Variants in NCAM2 observed in about 807,000 individuals in gnomAD.
NCAM2 encodes the protein N-CAM-2.
NCAM2 carries 30 observed loss-of-function variants against 98.1 expected under a neutral mutation model. The ratio of observed to expected loss-of-function variants is 0.31; its 90% CI spans 0.23 to 0.41. The LOEUF (loss-of-function observed/expected upper bound fraction) is 0.41. NCAM2 is among the 10% of genes least tolerant of loss of function. NCAM2 has a pLI of 1.00. For synonymous variants in NCAM2, 368 were observed against 342.4 expected (o/e 1.07, Z -0.83); for missense variants, 867 against 1,005.8 (o/e 0.86, Z 1.87).
intron 1 of NCAM2, among the ~76,000 whole-genome samples, chr21:21,209,256 C>A (rs1171138198): frequency 2.0e-5 from 3 of 152,090 alleles, no homozygotes; most frequent in Non-Finnish European, 4.4e-5. Flanking sequence ...TGCTGTGTCA[C>A]CCAGGCTGGA....
chr21:21,134,321 C>T (rs938794983), intron 1 of NCAM2, among the ~76,000 whole-genome samples: 14 of 152,062 alleles, frequency 9.2e-5, no homozygotes, highest in Admixed American at 2.0e-4. Context: ...CTGCGCACCT[C>T]GGCCTCCCAA....
chr21:21,217,049 T>C (rs1166301660), intron 1 of NCAM2, among the ~76,000 whole-genome samples: 1 of 152,144 alleles, frequency 6.6e-6, no homozygotes, highest in African/African-American at 2.4e-5. Flanking sequence ...AGTGTAATGA[T>C]TGAAGGTATA....
intron 1 of NCAM2, among the ~76,000 whole-genome samples, chr21:21,202,360 TATC>T (rs2069257620): frequency 3.3e-5 from 5 of 151,264 alleles, no homozygotes; most frequent in Admixed American, 3.3e-4. Context: ...CTAGAATACT[TATC>T]ATTAAAGTAT....
At chr21:21,508,229 CTAATA>C (rs1173404988) in intron 15 of NCAM2, among the ~76,000 whole-genome samples, 4 of 152,198 alleles carry the variant, frequency 2.6e-5, no homozygotes, top group Non-Finnish European at 2.9e-5. Context: ...TGCCTTTAAT[CTAATA>C]TATTTGTTAA....
chr21:21,491,734 G>A (rs973951457), intron 15 of NCAM2, among the ~76,000 whole-genome samples: 10 of 151,282 alleles, frequency 6.6e-5, no homozygotes, highest in Admixed American at 5.9e-4. Context: ...CTTATTCCAT[G>A]ACAGTCCAGT....
At chr21:21,498,066 G>A (rs2826866) in intron 15 of NCAM2, among the ~76,000 whole-genome samples, 39,156 of 151,832 alleles carry the variant, frequency 0.26, 5,257 homozygotes, top group African/African-American at 0.32. Context: ...TTAATGTCCA[G>A]TATAAACTTT....
At chr21:21,050,126 C>A (rs114195716) in intron 1 of NCAM2, among the ~76,000 whole-genome samples, 3 of 145,628 alleles carry the variant, frequency 2.1e-5, no homozygotes, top group Non-Finnish European at 4.5e-5. Context: ...ACATTAAGCA[C>A]TGTAAAGTGC....
chr21:21,132,201 C>G (rs1317592121), intron 1 of NCAM2, among the ~76,000 whole-genome samples: 1 of 152,114 alleles, frequency 6.6e-6, no homozygotes, highest in Non-Finnish European at 1.5e-5. Context: ...TGCTCTCACT[C>G]TTTTTTACTC....
At chr21:21,106,782 G>A (rs1014549116) in intron 1 of NCAM2, among the ~76,000 whole-genome samples, 3 of 151,960 alleles carry the variant, frequency 2.0e-5, no homozygotes, top group African/African-American at 7.2e-5. Context: ...TACAGATTTA[G>A]TAGAGTTATC....
At chr21:21,012,441 C>A (rs2146144079) in intron 1 of NCAM2, among the ~76,000 whole-genome samples, 1 of 152,022 alleles carries the variant, frequency 6.6e-6, no homozygotes, top group Middle Eastern at 3.4e-3. Context: ...GTTTAGGATG[C>A]TTTTAGGGGC....
chr21:21,225,948 A>G (rs1274725944), intron 1 of NCAM2, among the ~76,000 whole-genome samples: 1 of 152,128 alleles, frequency 6.6e-6, no homozygotes, highest in Non-Finnish European at 1.5e-5. Flanking sequence ...TAGTGGTGGT[A>G]CATACACACC....
At chr21:21,373,280 G>A (rs575747121) in intron 8 of NCAM2, among the ~76,000 whole-genome samples, 2 of 151,770 alleles carry the variant, frequency 1.3e-5, no homozygotes, top group Non-Finnish European at 2.9e-5. Context: ...TTTAGTAAAA[G>A]CAACTTATTC....
At chr21:21,518,007 T>A (rs1988806829) in intron 16 of NCAM2, among the ~76,000 whole-genome samples, 1 of 152,182 alleles carries the variant, frequency 6.6e-6, no homozygotes, top group South Asian at 2.1e-4. Context: ...CTGTGAACAT[T>A]TGTTTCTTTC....
intron 5 of NCAM2, among the ~76,000 whole-genome samples, chr21:21,297,483 A>AC (rs2073529848): frequency 6.6e-6 from 1 of 151,774 alleles, no homozygotes; most frequent in Non-Finnish European, 1.5e-5. Flanking sequence ...TTTCACTCTG[A>AC]CATACTATGT....
chr21:21,369,302 A>G (rs917783871), intron 8 of NCAM2, among the ~76,000 whole-genome samples: 15 of 151,628 alleles, frequency 9.9e-5, no homozygotes, highest in African/African-American at 3.6e-4. Context: ...TGAGTACTTC[A>G]TTTTGGTTTT....
chr21:21,453,682 G>A (rs1266652654), intron 12 of NCAM2, among the ~76,000 whole-genome samples: 2 of 152,016 alleles, frequency 1.3e-5, no homozygotes, highest in Non-Finnish European at 2.9e-5. Flanking sequence ...TCTGCCATAT[G>A]TTTAGTAAAG....
intron 1 of NCAM2, among the ~76,000 whole-genome samples, chr21:21,252,079 G>A (rs568829782): frequency 3.3e-5 from 5 of 151,958 alleles, no homozygotes; most frequent in Non-Finnish European, 4.4e-5. Context: ...ACATTATGTG[G>A]CCAACAAGCA....
At chr21:21,191,840 G>T (rs2068834202) in intron 1 of NCAM2, among the ~76,000 whole-genome samples, 1 of 152,142 alleles carries the variant, frequency 6.6e-6, no homozygotes, top group African/African-American at 2.4e-5. Flanking sequence ...ACCTAGTGGG[G>T]GATGAACAAT....
chr21:21,276,789 A>T (rs1282311084), intron 1 of NCAM2, among the ~76,000 whole-genome samples: 6 of 152,036 alleles, frequency 3.9e-5, no homozygotes, highest in African/African-American at 1.4e-4. Flanking sequence ...TATTTTCTTT[A>T]TATATTTTAA....
Sources: allele counts gnomAD v4.1 joint callset (sites outside exome capture counted in the v4.1 genomes callset), GRCh38; gene constraint gnomAD v4.1.1; transcripts MANE v1.5; gene names NCBI Gene and HGNC (gene_info 2026-07-23, HGNC 2026-07-21).